BRD10: variants seen among roughly 807,000 people sequenced by gnomAD.
The protein encoded by BRD10 is bromodomain containing 10, also known as uncharacterized bromodomain-containing protein 10.
chr9:5,947,578 TAATA>T, the BRD10 span, among the ~76,000 whole-genome samples: 1 of 152,022 alleles, frequency 6.6e-6, no homozygotes, highest in Admixed American at 6.6e-5. Flanking sequence ...ATATTAAAAC[TAATA>T]TATATTCCCT....
At chr9:5,887,231 C>A in the BRD10 span, among the ~76,000 whole-genome samples, 31 of 152,306 alleles carry the variant, frequency 2.0e-4, no homozygotes, top group South Asian at 4.4e-3. Flanking sequence ...TGCATTCCTG[C>A]CTGGGCAACA....
chr9:6,004,687 G>C, the BRD10 span, among the ~76,000 whole-genome samples: 2 of 152,172 alleles, frequency 1.3e-5, no homozygotes, highest in Admixed American at 6.5e-5. Flanking sequence ...ATACCACTTT[G>C]AGATATTTAC....
the BRD10 span, among the ~76,000 whole-genome samples, chr9:5,923,706 A>G: frequency 6.6e-6 from 1 of 152,344 alleles, no homozygotes; most frequent in South Asian, 2.1e-4. Context: ...GATACCATAG[A>G]GAGATGGTTC....
the BRD10 span, among the ~76,000 whole-genome samples, chr9:5,894,536 G>A: frequency 6.6e-6 from 1 of 152,178 alleles, no homozygotes; most frequent in Non-Finnish European, 1.5e-5. The surrounding 1 kb of genome is among the most constrained non-coding windows in gnomAD (Gnocchi z 4.0). Flanking sequence ...TTGTTTGGCT[G>A]GTTCTGGTGT....
the BRD10 span, among the ~76,000 whole-genome samples, chr9:5,998,982 G>T: frequency 6.6e-6 from 1 of 151,776 alleles, no homozygotes; most frequent in Non-Finnish European, 1.5e-5. Context: ...TATTTTTTAA[G>T]GATTATGTTC....
At chr9:5,919,543 AACACACACACACACACACAC>A in the BRD10 span, 16 of 396,888 alleles carry the variant, frequency 4.0e-5, no homozygotes, top group Non-Finnish European at 6.5e-5. Context: ...GATACATTAA[AACACACACACACACACACAC>A]ACACACACAC....
At chr9:5,899,884 A>G in the BRD10 span, among the ~76,000 whole-genome samples, 2 of 152,174 alleles carry the variant, frequency 1.3e-5, no homozygotes, top group Non-Finnish European at 2.9e-5. Context: ...AGTTGCTTGG[A>G]GACTAGAATT....
the BRD10 span, among the ~76,000 whole-genome samples, chr9:5,930,146 A>G: frequency 1.3e-5 from 2 of 150,270 alleles, no homozygotes; most frequent in Non-Finnish European, 3.0e-5. Flanking sequence ...TGGCTTTGAG[A>G]TATAATTCAC....
chr9:5,931,730 A>T, the BRD10 span, among the ~76,000 whole-genome samples: 2 of 152,212 alleles, frequency 1.3e-5, no homozygotes, highest in Admixed American at 6.5e-5. Context: ...TTCACAACAC[A>T]AATTATAGAA....
At chr9:5,999,466 AT>A in the BRD10 span, among the ~76,000 whole-genome samples, 5 of 152,268 alleles carry the variant, frequency 3.3e-5, no homozygotes, top group South Asian at 1.0e-3. Flanking sequence ...AAATTAAAGG[AT>A]GGGAAAAGAT....
At chr9:5,941,123 T>C in the BRD10 span, among the ~76,000 whole-genome samples, 1 of 152,166 alleles carries the variant, frequency 6.6e-6, no homozygotes, top group East Asian at 1.9e-4. Context: ...AAGGGGATTA[T>C]ATGAAAAACT....
the BRD10 span, chr9:5,922,678 C>T: frequency 6.2e-6 from 10 of 1,613,970 alleles, no homozygotes; most frequent in Non-Finnish European, 8.5e-6. Flanking sequence ...AATTCTTAGG[C>T]AGAATAAGAA....
chr9:6,007,943 C>G, the BRD10 span: 1 of 1,328,302 alleles, frequency 7.5e-7, no homozygotes, highest in African/African-American at 1.5e-5. Context: ...TCGGTGCGCG[C>G]GGGGGTCTTG....
the BRD10 span, chr9:5,890,842 A>C: frequency 6.6e-6 from 1 of 152,140 alleles, no homozygotes; most frequent in Non-Finnish European, 1.5e-5. Context: ...GGGACTCAAA[A>C]CCAGGAAAAA....
the BRD10 span, among the ~76,000 whole-genome samples, chr9:5,966,699 C>G: frequency 9.9e-5 from 15 of 152,102 alleles, no homozygotes; most frequent in African/African-American, 3.1e-4. Flanking sequence ...ACCTCATGAT[C>G]TGCCCCCCTC....
the BRD10 span, chr9:6,007,679 G>C: frequency 2.5e-5 from 41 of 1,609,072 alleles, no homozygotes; most frequent in Non-Finnish European, 3.3e-5. Flanking sequence ...CCTGAGGTCT[G>C]GGCCGCCGCT....
the BRD10 span, among the ~76,000 whole-genome samples, chr9:5,995,270 G>C: frequency 2.6e-5 from 4 of 152,140 alleles, no homozygotes; most frequent in Non-Finnish European, 5.9e-5. Context: ...ACTTATTTCA[G>C]AGAAAACGGC....
chr9:5,954,364 G>C, the BRD10 span, among the ~76,000 whole-genome samples: 1 of 152,134 alleles, frequency 6.6e-6, no homozygotes, highest in Admixed American at 6.5e-5. Context: ...AGAATCTACT[G>C]CAAGATTAGG....
At chr9:5,976,924 A>C in the BRD10 span, among the ~76,000 whole-genome samples, 2 of 152,204 alleles carry the variant, frequency 1.3e-5, no homozygotes, top group Admixed American at 6.5e-5. Context: ...AATGAAAGGG[A>C]AAGTTGGAGT....
Sources: allele counts gnomAD v4.1 joint callset (sites outside exome capture counted in the v4.1 genomes callset), GRCh38; gene constraint gnomAD v4.1.1; non-coding constraint Gnocchi (gnomAD v3.1); transcripts MANE v1.5; gene names NCBI Gene and HGNC (gene_info 2026-07-23, HGNC 2026-07-21).